The following CACNA1C variants were observed in gnomAD, a reference collection of about 807,000 sequenced individuals.
The protein encoded by CACNA1C is voltage-dependent L-type calcium channel subunit alpha-1C.
Under a neutral mutation model 229.0 loss-of-function variants are expected in CACNA1C, and 30 were observed. The ratio of observed to expected loss-of-function variants is 0.13; its 90% CI spans 0.10 to 0.18. The LOEUF is 0.18. Among genes scored for constraint, CACNA1C ranks in the 10% least tolerant of loss-of-function variants. CACNA1C has a pLI of 1.00. For synonymous variants in CACNA1C, 1,114 were observed against 1,132.5 expected (o/e 0.98, Z 0.33); for missense variants, 1,658 against 2,845.0 (o/e 0.58, Z 9.49).
At chr12:1,993,529 C>T in intron 1 of CACNA1C, 1 of 992,138 alleles carries the variant, frequency 1.0e-6, no homozygotes, top group Non-Finnish European at 1.5e-6. Flanking sequence ...TGTACACGTA[C>T]TTCTTCACCA....
intron 1 of CACNA1C, among the ~76,000 whole-genome samples, chr12:2,066,023 G>A (rs1281749033): frequency 6.6e-6 from 1 of 151,842 alleles, no homozygotes; most frequent in African/African-American, 2.4e-5. Context: ...TGGAGAGAGG[G>A]TATACTCAGA....
rs2094950739 is a variant in CACNA1C at position 2,651,382 on chromosome 12, G to C, written c.3946-258G>C. 1 of 562,444 alleles carries C rather than the reference G, an allele frequency of 1.8e-6. No homozygotes were observed. Among genetic ancestry groups the C allele is most frequent in the South Asian group, 2.6e-5 (1 of 38,998 alleles). The allele number at this position is 562,444 out of a possible 1,614,324, so 34.8% of individuals were successfully genotyped here. A position where few individuals can be genotyped will look rare whatever the true frequency, so the allele number is the denominator to read the frequency against. On this transcript the variant is annotated intron_variant, in intron 31 of 46. Coordinates refer to ENST00000399655, the MANE Select transcript of CACNA1C (RefSeq NM_000719.7). This position sits in a 1 kb window ranked among gnomAD's most constrained non-coding sequence, Gnocchi z 5.4. ...AGGGCATTAAGAACTAGGAATGAAG[G>C]GGAATCGGGGAGAATAAAAACACAG...
chr12:2,431,498 A>G (rs2099084600), intron 3 of CACNA1C, among the ~76,000 whole-genome samples: 1 of 152,216 alleles, frequency 6.6e-6, no homozygotes, highest in Admixed American at 6.5e-5. Context: ...AAAACATAAG[A>G]GGCAATATGG....
chr12:2,443,333 G>T (rs2154561464), intron 3 of CACNA1C, among the ~76,000 whole-genome samples: 1 of 152,224 alleles, frequency 6.6e-6, no homozygotes, highest in East Asian at 1.9e-4. Context: ...GAGCCAGAAT[G>T]ATCTGCTATG....
chr12:2,505,037 G>T, intron 8 of CACNA1C, 92 bp downstream of exon 8: 1 of 736,630 alleles, frequency 1.4e-6, no homozygotes. Flanking sequence ...TTCTGGCTCT[G>T]ATGAACCTGG....
chr12:2,220,422 A>G (rs2061161251), intron 3 of CACNA1C: 2 of 152,428 alleles, frequency 1.3e-5, no homozygotes, highest in Non-Finnish European at 2.9e-5. Context: ...CCCATGAGAC[A>G]GGGGGTGCTG....
rs2095854512 is a variant in CACNA1C at position 2,319,355 on chromosome 12, G to A, written c.478-129621G>A. On this transcript the variant is annotated intron_variant, in intron 3 of 46. Coordinates refer to ENST00000399655, the MANE Select transcript of CACNA1C (RefSeq NM_000719.7). This position sits in a 1 kb window ranked among gnomAD's most constrained non-coding sequence, Gnocchi z 4.0. ...GGTGGGCAACATACATGGGGGCAGTGTGCTTGGTAGGCAGCGTACCTGATG... is the reference window on the plus strand; with the variant it reads ...GGTGGGCAACATACATGGGGGCAGTATGCTTGGTAGGCAGCGTACCTGATG... Among the ~76,000 whole-genome samples the A allele has an allele frequency of 6.6e-6, 1 of 152,044 alleles. No individual in the cohort carries two copies.
chr12:2,504,922 C>T lies in CACNA1C; in HGVS notation c.1194C>T (p.Asn398=), dbSNP rs1174080191. 1 of 1,593,832 alleles carries T rather than the reference C, an allele frequency of 6.3e-7. No homozygotes were observed. The highest frequency in any genetic ancestry group is 1.7e-5 in the Admixed American group (1 of 59,810). Residue 398 remains asparagine, a synonymous_variant, in exon 8 of 47, where the codon AAC becomes AAT. Coordinates refer to ENST00000399655, the MANE Select transcript of CACNA1C (RefSeq NM_000719.7). This position sits in a 1 kb window ranked among gnomAD's most constrained non-coding sequence, Gnocchi z 6.8. ...LIIIGSFFVL[N]LVLGVLSGEF... ...TCATAGGGTCATTTTTTGTACTTAA[C>T]TTGGTTCTCGGTGTGCTTAGCGGGT...
At chr12:2,122,497 C>A (rs2087304347) in intron 3 of CACNA1C, among the ~76,000 whole-genome samples, 1 of 152,150 alleles carries the variant, frequency 6.6e-6, no homozygotes, top group Non-Finnish European at 1.5e-5. Context: ...ACGATTCTGC[C>A]CCATGGAGAA....
chr12:2,616,110 T>C (rs2080418184), intron 29 of CACNA1C, among the ~76,000 whole-genome samples: 1 of 152,086 alleles, frequency 6.6e-6, no homozygotes. Flanking sequence ...CAAGTCTCGG[T>C]CTCCCTTTTT....
chr12:2,081,528 G>A (rs111237806), intron 1 of CACNA1C, among the ~76,000 whole-genome samples: 2 of 151,532 alleles, frequency 1.3e-5, no homozygotes, highest in South Asian at 4.2e-4. Context: ...CCGAGATCGC[G>A]CCACTGCACT....
intron 3 of CACNA1C, among the ~76,000 whole-genome samples, chr12:2,320,651 G>A (rs1227644067): frequency 6.6e-6 from 1 of 152,174 alleles, no homozygotes; most frequent in Non-Finnish European, 1.5e-5. Flanking sequence ...TCTGGGGGTG[G>A]ATGGTTCTTT....
rs2061638459 is a variant in CACNA1C, at chr12:2,584,354, A to T, written c.2225-149A>T. The T allele has an allele frequency of 1.0e-5, 6 of 599,146 alleles. No homozygotes were observed. In the East Asian group the frequency reaches 1.4e-4, roughly 14 times the overall value. The allele number at this position is 599,146 out of a possible 1,614,324, so 37.1% of individuals were successfully genotyped here. ...TGGGGAGGAAGGGGAGGGGAGGAAC[A>T]CTGTTGGGGTCTGACTCCCTCAAAT... On this transcript the variant is annotated intron_variant, in intron 15 of 46. Transcript: ENST00000399655.
chr12:2,632,760 C>T lies in CACNA1C; in HGVS notation c.3829-1537C>T, dbSNP rs2091087057. Among the ~76,000 whole-genome samples, 1 of 152,160 alleles carries T rather than the reference C, an allele frequency of 6.6e-6. No homozygotes were observed. The highest frequency in any genetic ancestry group is 1.9e-4 in the East Asian group (1 of 5,178). ...GGAAACGCTTTGATCACCGCGTGCC[C>T]TCTGCGCGGCGTCTGCATTCAGCAG... On this transcript the variant is annotated intron_variant, in intron 29 of 46. Coordinates refer to ENST00000399655, the MANE Select transcript of CACNA1C (RefSeq NM_000719.7). This position sits in a 1 kb window ranked among gnomAD's most constrained non-coding sequence, Gnocchi z 4.1.
At chr12:2,045,874 G>C (rs1396075587) in intron 1 of CACNA1C, among the ~76,000 whole-genome samples, 1 of 151,842 alleles carries the variant, frequency 6.6e-6, no homozygotes, top group East Asian at 1.9e-4. Flanking sequence ...AGAATTTTGA[G>C]ATGAAGACAT....
rs1380813988 is a variant in CACNA1C, at chr12:2,596,021, C to T, written c.2793+18C>T. On this transcript the variant is annotated intron_variant, in intron 20 of 46. Coordinates refer to ENST00000399655, the MANE Select transcript of CACNA1C (RefSeq NM_000719.7). Reference sequence around the variant, plus strand: ...GGAACCATGTATGCATCGCCTGTGTCTTCTGCACTCCTTCCCCCTGGGGCT... The same window carrying T: ...GGAACCATGTATGCATCGCCTGTGTTTTCTGCACTCCTTCCCCCTGGGGCT... 6.2e-7 allele frequency: 1 copy of T among 1,603,042 alleles called. No homozygotes were observed. Among genetic ancestry groups the T allele is most frequent in the Middle Eastern group, 1.7e-4 (1 of 6,022 alleles).
intron 3 of CACNA1C, among the ~76,000 whole-genome samples, chr12:2,267,890 T>C (rs2154411709): frequency 6.6e-6 from 1 of 152,328 alleles, no homozygotes; most frequent in South Asian, 2.1e-4. Flanking sequence ...TTTTTTCCAC[T>C]GTTCTTTTGG....
intron 3 of CACNA1C, among the ~76,000 whole-genome samples, chr12:2,205,284 G>T (rs1368397353): frequency 6.6e-6 from 1 of 152,200 alleles, no homozygotes; most frequent in Non-Finnish European, 1.5e-5. Flanking sequence ...GTCCTGAGAG[G>T]CCAGGTGTCC....
rs563423556 is a variant in CACNA1C at position 2,678,889 on chromosome 12, G to T, written c.5092-555G>T. On this transcript the variant is annotated intron_variant, in intron 41 of 46. Transcript: ENST00000399655. The surrounding 1 kb of genome is among the most constrained non-coding windows in gnomAD (Gnocchi z 4.1). Reference sequence around the variant, plus strand: ...TACTGGGGAAAAACATTGGCTCCTGGTTTTAAATCTCTCTGAGTCCCCGAG... The same window carrying T: ...TACTGGGGAAAAACATTGGCTCCTGTTTTTAAATCTCTCTGAGTCCCCGAG... Among the ~76,000 whole-genome samples, 40 of 152,328 alleles carry T rather than the reference G, an allele frequency of 2.6e-4. No homozygotes were observed. The highest frequency in any genetic ancestry group is 9.6e-4 in the African/African-American group (40 of 41,580).
Sources: allele counts gnomAD v4.1 joint callset (sites outside exome capture counted in the v4.1 genomes callset), GRCh38; gene constraint gnomAD v4.1.1; non-coding constraint Gnocchi (gnomAD v3.1); transcripts MANE v1.5; gene names NCBI Gene and HGNC (gene_info 2026-07-23, HGNC 2026-07-21).